The following ARL14EPL variants were observed in gnomAD, a reference collection of about 807,000 sequenced individuals.
ARL14EPL encodes the protein ARL14 effector protein-like.
Under a neutral mutation model 15.9 loss-of-function variants are expected in ARL14EPL, and 17 were observed. That is an observed-to-expected ratio of 1.07 (90% confidence interval 0.73 to 1.60). ARL14EPL has a LOEUF of 1.60. Among genes scored for constraint, ARL14EPL ranks in the 40% most tolerant of loss-of-function variants. ARL14EPL has a pLI of 0.00. For synonymous variants in ARL14EPL, 78 were observed against 63.8 expected, an observed-to-expected ratio of 1.22 and a Z score of -1.06; for missense variants, 214 against 185.9, an observed-to-expected ratio of 1.15 and a Z score of -0.88.
At chr5:116,048,899 G>C (rs1186805813) in intron 1 of ARL14EPL, among the ~76,000 whole-genome samples, 1 of 152,162 alleles carries the variant, frequency 6.6e-6, no homozygotes, top group Non-Finnish European at 1.5e-5. Flanking sequence ...GGGCTGGAAT[G>C]TATTAAATGA....
chr5:116,052,089 G>A lies in ARL14EPL; in HGVS notation c.96+528G>A, dbSNP rs933423879. 24 of 1,613,308 alleles carry A rather than the reference G, an allele frequency of 1.5e-5. No homozygotes were observed. The African/African-American group carries it at 2.8e-4, about 19-fold the overall frequency. ...TCAGAGACCACAGCTGGGGTTATAA[G>A]TTTATAGTTGGGAACTTCCTTACAG... On this transcript the variant is annotated intron_variant, in intron 2 of 3. Coordinates refer to ENST00000686077, the MANE Select transcript of ARL14EPL (RefSeq NM_001195581.2).
intron 1 of ARL14EPL, among the ~76,000 whole-genome samples, chr5:116,037,352 T>C (rs1749064704): frequency 6.6e-6 from 1 of 152,256 alleles, no homozygotes; most frequent in African/African-American, 2.4e-5. Flanking sequence ...GAGAATGTTC[T>C]GCATAGTCCA....
Position 116,059,201 on chromosome 5 carries a change from C to T in ARL14EPL, c.*254C>T, listed in dbSNP as rs1455913859. The T allele has an allele frequency of 2.3e-6, 1 of 440,162 alleles. No individual in the cohort carries two copies. Among genetic ancestry groups the T allele is most frequent in the Admixed American group, 3.8e-5 (1 of 26,460 alleles). The allele number at this position is 440,162 out of a possible 1,614,324, so 27.3% of individuals were successfully genotyped here. ...GGGATCAGCATTTCTCATCAGCACC[C>T]TCATCTCTACTCTGCCTTCAAATTA... On this transcript the variant is annotated 3_prime_UTR_variant, in exon 4 of 4. Coordinates refer to ENST00000686077, the MANE Select transcript of ARL14EPL (RefSeq NM_001195581.2).
At position 116,059,089 on chromosome 5, in the gene ARL14EPL, T is replaced by C; in HGVS notation, c.*142T>C. On this transcript the variant is annotated 3_prime_UTR_variant, in exon 4 of 4. Transcript: ENST00000686077. ...TGTTCTGTCAAGCCCCAGAACAATG[T>C]AGAATGGGCAATAATTCTGTAACCT... 7.9e-6 allele frequency: 6 copies of C among 756,078 alleles called. No individual in the cohort carries two copies. Among genetic ancestry groups the C allele is most frequent in the Non-Finnish European group, 1.3e-5 (6 of 475,406 alleles). 46.8% of individuals were successfully genotyped at this position (756,078 alleles called of 1,614,324 possible). A position where few individuals can be genotyped will look rare whatever the true frequency, so the allele number is the denominator to read the frequency against.
rs544243214 is a variant in ARL14EPL at position 116,039,006 on chromosome 5, A to G, written c.-10+6501A>G. ...GGAGGAAATGAAGCAGAATGAGGAAATGCACAGACAAACCGCCCTTGCTGT... is the reference window on the plus strand; with the variant it reads ...GGAGGAAATGAAGCAGAATGAGGAAGTGCACAGACAAACCGCCCTTGCTGT... On this transcript the variant is annotated intron_variant, in intron 1 of 3. Transcript: ENST00000686077. 2.6e-3 allele frequency among the ~76,000 whole-genome samples: 396 copies of G among 152,244 alleles called. 1 individual carries two copies. Among genetic ancestry groups the G allele is most frequent in the African/African-American group, 9.1e-3 (377 of 41,536 alleles).
chr5:116,040,421 G>C (rs1749128195), intron 1 of ARL14EPL, among the ~76,000 whole-genome samples: 1 of 151,476 alleles, frequency 6.6e-6, no homozygotes, highest in Non-Finnish European at 1.5e-5. Flanking sequence ...GTGAAGGGAA[G>C]GCATTAAAGG....
At chr5:116,045,766 GTGTGTGTGTGTGTGTA>G (rs761356489) in intron 1 of ARL14EPL, among the ~76,000 whole-genome samples, 29 of 105,310 alleles carry the variant, frequency 2.8e-4, no homozygotes, top group Non-Finnish European at 3.7e-4. Flanking sequence ...GTGTGTGTGT[GTGTGTGTGTGTGTGTA>G]TGTGTACGAA....
chr5:116,053,865 T>G, intron 2 of ARL14EPL, 149 bp from the exon 3 acceptor site: 1 of 595,318 alleles, frequency 1.7e-6, no homozygotes, highest in Non-Finnish European at 2.6e-6. Flanking sequence ...CTTTTGAAAC[T>G]TAATTAGATT....
chr5:116,051,693 C>T (rs979985766), intron 2 of ARL14EPL, 132 bp downstream of exon 2: 1 of 794,080 alleles, frequency 1.3e-6, no homozygotes, highest in Admixed American at 2.8e-5. Context: ...GCCGCCCAGG[C>T]TGATAGAGCT....
intron 1 of ARL14EPL, among the ~76,000 whole-genome samples, chr5:116,047,166 A>G (rs1276744911): frequency 6.6e-6 from 1 of 152,216 alleles, no homozygotes; most frequent in African/African-American, 2.4e-5. Flanking sequence ...AGACTAATAT[A>G]GTGACTTTCT....
intron 2 of ARL14EPL, among the ~76,000 whole-genome samples, chr5:116,053,056 A>T (rs1468414548): frequency 2.6e-5 from 4 of 152,140 alleles, no homozygotes; most frequent in Non-Finnish European, 5.9e-5. Context: ...CTCAGGCCCC[A>T]TCTAATTTCT....
At chr5:116,057,011 A>G (rs1045861231) in intron 3 of ARL14EPL, among the ~76,000 whole-genome samples, 5 of 152,230 alleles carry the variant, frequency 3.3e-5, no homozygotes, top group African/African-American at 9.6e-5. Context: ...ATGAACATCA[A>G]TGCAAATATC....
At chr5:116,055,478 G>C (rs1342465409) in intron 3 of ARL14EPL, among the ~76,000 whole-genome samples, 1 of 152,032 alleles carries the variant, frequency 6.6e-6, no homozygotes, top group Non-Finnish European at 1.5e-5. Context: ...ACATATAGAA[G>C]TGAAAATATT....
intron 1 of ARL14EPL, among the ~76,000 whole-genome samples, 184 bp downstream of exon 1, chr5:116,032,689 A>G (rs1748980670): frequency 6.6e-6 from 1 of 152,224 alleles, no homozygotes; most frequent in South Asian, 2.1e-4. Context: ...CGTAGTGTAT[A>G]TAGAGTAGGA....
At position 116,051,482 on chromosome 5, in the gene ARL14EPL, A is replaced by G; in HGVS notation, c.17A>G (p.Glu6Gly). 1 of 1,535,012 alleles carries G rather than the reference A, an allele frequency of 6.5e-7. No individual in the cohort carries two copies. The highest frequency in any genetic ancestry group is 1.2e-5 in the South Asian group (1 of 83,960). Residue 6 changes from glutamate to glycine, a missense_variant, in exon 2 of 4, where the codon GAG becomes GGG. Transcript: ENST00000686077. MNEQS[E>G]KNNSIQERHT... ...TGATCAGAGATGAATGAACAATCAG[A>G]GAAAAACAATTCCATTCAAGAGAGA... is the stretch of plus-strand genomic sequence containing the variant.
intron 2 of ARL14EPL, among the ~76,000 whole-genome samples, chr5:116,053,147 AG>A (rs1321218305): frequency 6.6e-6 from 1 of 152,106 alleles, no homozygotes; most frequent in African/African-American, 2.4e-5. Flanking sequence ...CAGGAATTCA[AG>A]GCCAGCCTGG....
chr5:116,050,780 A>ATCTCTCTCTCTCTCTCTCTC (rs141191776), intron 1 of ARL14EPL, among the ~76,000 whole-genome samples: 1 of 128,770 alleles, frequency 7.8e-6, no homozygotes, highest in African/African-American at 2.9e-5. Flanking sequence ...TATGGGCTCC[A>ATCTCTCTCTCTCTCTCTCTC]TCTCTCTCTC....
At chr5:116,035,613 A>C (rs986307299) in intron 1 of ARL14EPL, among the ~76,000 whole-genome samples, 3 of 152,172 alleles carry the variant, frequency 2.0e-5, no homozygotes, top group African/African-American at 7.2e-5. Flanking sequence ...TAGGGGTAAC[A>C]AGGGAGGAGG....
At chr5:116,056,398 G>T (rs1341618886) in intron 3 of ARL14EPL, among the ~76,000 whole-genome samples, 1 of 152,230 alleles carries the variant, frequency 6.6e-6, no homozygotes, top group Admixed American at 6.5e-5. Flanking sequence ...CTGATGGCCA[G>T]TGATAATGAG....
Sources: allele counts gnomAD v4.1 joint callset (sites outside exome capture counted in the v4.1 genomes callset), GRCh38; gene constraint gnomAD v4.1.1; transcripts MANE v1.5; gene names NCBI Gene and HGNC (gene_info 2026-07-23, HGNC 2026-07-21).